The following RNF8 variants were observed in gnomAD, a reference collection of about 807,000 sequenced individuals.
The protein encoded by RNF8 is ring finger protein 8, also known as E3 ubiquitin-protein ligase RNF8.
A neutral mutation model predicts 59.3 loss-of-function variants in RNF8; 8 were observed. The observed-to-expected ratio is 0.13, with a 90% CI of 0.08 to 0.24. The LOEUF is 0.24. Ranked by LOEUF, RNF8 falls within the 10% of genes least tolerant of loss-of-function variation. The pLI is 1.00. For missense variants in RNF8, 406 were observed against 572.6 expected (o/e 0.71, Z 2.97); for synonymous variants, 162 against 200.0 (o/e 0.81, Z 1.60).
rs577226995 is a variant in RNF8 at position 37,375,904 on chromosome 6, C to T, written c.1129-1022C>T. 4.6e-5 allele frequency among the ~76,000 whole-genome samples: 7 copies of T among 152,268 alleles called. No individual in the cohort carries two copies. In the East Asian group the frequency reaches 7.7e-4, roughly 17 times the overall value. On this transcript the variant is annotated intron_variant, in intron 5 of 7. Transcript: ENST00000373479. ...TTCAAGAGAGCATACGTAGGAGCCT[C>T]CTTAAAAAGTGTGTCCACACGCAGT...
At chr6:37,365,647 A>G in intron 2 of RNF8, among the ~76,000 whole-genome samples, 1 of 152,338 alleles carries the variant, frequency 6.6e-6, no homozygotes, top group South Asian at 2.1e-4. Flanking sequence ...GCATCTAGTG[A>G]AGTAATTCCT....
chr6:37,363,968 A>G, intron 2 of RNF8, among the ~76,000 whole-genome samples: 1 of 152,126 alleles, frequency 6.6e-6, no homozygotes. Flanking sequence ...TCACGAGGTC[A>G]GGAGATCGAG....
chr6:37,392,803 T>TA lies in RNF8; in HGVS notation c.*2050dup, dbSNP rs1770762734. 2 of 397,122 alleles carry TA rather than the reference T, an allele frequency of 5.0e-6. No homozygotes were observed. Among genetic ancestry groups the TA allele is most frequent in the Non-Finnish European group, 8.9e-6 (2 of 225,710 alleles). 24.6% of individuals were successfully genotyped at this position (397,122 alleles called of 1,614,324 possible). ...ATATATCTTTAGAGAGAAGATATTT[T>TA]AAAAAGAAATACCTTTTTAAAAATT... is the stretch of plus-strand genomic sequence containing the variant. On this transcript the variant is annotated 3_prime_UTR_variant, in exon 8 of 8. Coordinates refer to ENST00000373479, the MANE Select transcript of RNF8 (RefSeq NM_003958.4).
At position 37,354,198 on chromosome 6, in the gene RNF8, C is replaced by T; in HGVS notation, c.34C>T (p.Arg12Cys). Residue 12 changes from arginine (R) to cysteine (C), a missense_variant, in exon 1 of 8, where the codon CGC (arginine) becomes TGC (cysteine). Arg to Cys is a radical substitution (Grantham distance 180). Coordinates refer to ENST00000373479, the MANE Select transcript of RNF8 (RefSeq NM_003958.4). ...GCCCGGCTTCTTCGTCACAGGAGACCGCGCCGGTGGCCGGAGCTGGTGCCT... is the reference window on the plus strand; with the variant it reads ...GCCCGGCTTCTTCGTCACAGGAGACTGCGCCGGTGGCCGGAGCTGGTGCCT... ...GEPGFFVTGD[R>C]AGGRSWCLRR... 1 of 1,585,708 alleles carries T rather than the reference C, an allele frequency of 6.3e-7. No individual in the cohort carries two copies. Among genetic ancestry groups the T allele is most frequent in the Non-Finnish European group, 8.6e-7 (1 of 1,166,964 alleles).
At chr6:37,361,130 T>C (rs1176662059) in intron 2 of RNF8, 2 of 389,062 alleles carry the variant, frequency 5.1e-6, no homozygotes, top group Non-Finnish European at 1.0e-5. Flanking sequence ...GTGGTAAATA[T>C]ATTGAGGGAG....
At chr6:37,382,317 A>G (rs1770305815) in intron 7 of RNF8, among the ~76,000 whole-genome samples, 1 of 152,172 alleles carries the variant, frequency 6.6e-6, no homozygotes, top group Non-Finnish European at 1.5e-5. Context: ...TGACATTTGA[A>G]TGAGCCTTAA....
At chr6:37,359,572 C>A (rs1161947212) in intron 1 of RNF8, among the ~76,000 whole-genome samples, 1 of 152,174 alleles carries the variant, frequency 6.6e-6, no homozygotes, top group Non-Finnish European at 1.5e-5. Flanking sequence ...AGGAATCAAT[C>A]TAAGGTCCTG....
chr6:37,369,654 G>C (rs899132513), intron 3 of RNF8: 1 of 160,476 alleles, frequency 6.2e-6, no homozygotes. Flanking sequence ...TTAGTCTCAG[G>C]GCAGGTACAG....
chr6:37,385,179 A>G (rs1164012621), intron 7 of RNF8, among the ~76,000 whole-genome samples: 2 of 151,528 alleles, frequency 1.3e-5, no homozygotes, highest in East Asian at 4.0e-4. Context: ...ATGCCCGGCT[A>G]ATTTTGTATT....
rs116148506 is a variant in RNF8 at position 37,367,369 on chromosome 6, A to G, written c.241-1115A>G. Among the ~76,000 whole-genome samples, 441 of 152,266 alleles carry G rather than the reference A, an allele frequency of 2.9e-3. 2 individuals carry two copies. The highest frequency in any genetic ancestry group is 0.02 in the Middle Eastern group (6 of 294). On this transcript the variant is annotated intron_variant, in intron 2 of 7. Coordinates refer to ENST00000373479, the MANE Select transcript of RNF8 (RefSeq NM_003958.4). ...GATCTGTGCTCTTAACCTCAATACTATGACTTCATTAAAACCATAAAAGTA... is the reference window on the plus strand; with the variant it reads ...GATCTGTGCTCTTAACCTCAATACTGTGACTTCATTAAAACCATAAAAGTA...
intron 1 of RNF8, 88 bp downstream of exon 1, chr6:37,354,363 A>G: frequency 9.6e-7 from 1 of 1,037,276 alleles, no homozygotes; most frequent in Non-Finnish European, 1.4e-6. Flanking sequence ...TGCTGGGCTG[A>G]ATGAATGGCA....
At chr6:37,378,299 AAAAG>A (rs967507495) in intron 6 of RNF8, among the ~76,000 whole-genome samples, 12 of 152,004 alleles carry the variant, frequency 7.9e-5, no homozygotes, top group Admixed American at 7.9e-4. Flanking sequence ...AAAAAAAAGA[AAAAG>A]AGAAAGAAAA....
At chr6:37,387,334 ATC>A (rs1228107728) in intron 7 of RNF8, among the ~76,000 whole-genome samples, 1 of 152,106 alleles carries the variant, frequency 6.6e-6, no homozygotes, top group Non-Finnish European at 1.5e-5. Flanking sequence ...CCAAAGAAAT[ATC>A]TCTTACTTGC....
chr6:37,392,363 T>C lies in RNF8; in HGVS notation c.*1605T>C. On this transcript the variant is annotated 3_prime_UTR_variant, in exon 8 of 8. Coordinates refer to ENST00000373479, the MANE Select transcript of RNF8 (RefSeq NM_003958.4). ...TTTTAAGAGAGTACAGACATACACT[T>C]TTTGAGTAGGCAATATGTTCACATA... 2.5e-6 allele frequency: 1 copy of C among 398,232 alleles called. No homozygotes were observed. The highest frequency in any genetic ancestry group is 4.4e-6 in the Non-Finnish European group (1 of 225,996). 24.7% of individuals were successfully genotyped at this position (398,232 alleles called of 1,614,324 possible).
chr6:37,354,109 C>G lies in RNF8; in HGVS notation c.-56C>G. On this transcript the variant is annotated 5_prime_UTR_variant, in exon 1 of 8. Transcript: ENST00000373479. ...AGCTGAGGGGATGCACAGAGGCAGC[C>G]AGAACCTAGGTCAGGGTCTCGCTCG... 12 of 1,437,082 alleles carry G rather than the reference C, an allele frequency of 8.4e-6. No homozygotes were observed. The highest frequency in any genetic ancestry group is 1.2e-5 in the Non-Finnish European group (12 of 1,042,822). 89.0% of individuals were successfully genotyped at this position (1,437,082 alleles called of 1,614,324 possible).
chr6:37,387,003 G>A (rs1221547966), intron 7 of RNF8, among the ~76,000 whole-genome samples: 1 of 152,136 alleles, frequency 6.6e-6, no homozygotes, highest in Non-Finnish European at 1.5e-5. Flanking sequence ...GAGACTACCT[G>A]TGCAAATATA....
rs1769008975 is a variant in RNF8, at chr6:37,354,001, G to C, written c.-164G>C. 2 of 667,058 alleles carry C rather than the reference G, an allele frequency of 3.0e-6. No individual in the cohort carries two copies. Among genetic ancestry groups the C allele is most frequent in the Non-Finnish European group, 5.2e-6 (2 of 383,842 alleles). 41.3% of individuals were successfully genotyped at this position (667,058 alleles called of 1,614,324 possible). A position where few individuals can be genotyped will look rare whatever the true frequency, so the allele number is the denominator to read the frequency against. ...CGCAGGCGTAGTGCTCCTGCTTCCT[G>C]GCCGAGGGCGGGCGAGCGGAGCCTG... On this transcript the variant is annotated 5_prime_UTR_variant, in exon 1 of 8. Transcript: ENST00000373479.
intron 7 of RNF8, among the ~76,000 whole-genome samples, chr6:37,383,482 G>A (rs1770361381): frequency 6.6e-6 from 1 of 152,234 alleles, no homozygotes; most frequent in Non-Finnish European, 1.5e-5. Flanking sequence ...ATCACTGCAG[G>A]CCCTGGAGCA....
intron 6 of RNF8, among the ~76,000 whole-genome samples, chr6:37,380,207 C>T (rs1282405036): frequency 2.6e-5 from 4 of 152,134 alleles, no homozygotes; most frequent in Non-Finnish European, 5.9e-5. Context: ...TAAGCATTCA[C>T]GCACTTAATA....
Sources: gnomAD v4.1 joint callset for allele counts (sites outside exome capture counted in the v4.1 genomes callset) on GRCh38, gnomAD v4.1.1 for gene constraint, MANE v1.5 for transcripts, NCBI Gene and HGNC (gene_info 2026-07-23, HGNC 2026-07-21) for gene names.